HIPK4: variants seen among roughly 807,000 people sequenced by gnomAD.
HIPK4 encodes the protein homeodomain-interacting protein kinase 4.
A neutral mutation model predicts 44.8 loss-of-function variants in HIPK4; 26 were observed. The observed-to-expected ratio is 0.58, with a 90% CI of 0.43 to 0.80. HIPK4 has a LOEUF of 0.80. Among genes scored for constraint, HIPK4 ranks in the 30% least tolerant of loss-of-function variants. The pLI is 0.00. For synonymous variants in HIPK4, 340 were observed against 355.5 expected (o/e 0.96, Z 0.49); for missense variants, 729 against 862.6 (o/e 0.85, Z 1.94).
Position 40,380,281 on chromosome 19 carries a change from C to G in HIPK4, c.1668+42G>C. 6.3e-7 allele frequency: 1 copy of G among 1,590,290 alleles called. No individual in the cohort carries two copies. Among genetic ancestry groups the G allele is most frequent in the Non-Finnish European group, 8.6e-7 (1 of 1,165,124 alleles). On this transcript the variant is annotated intron_variant, in intron 3 of 3. Coordinates refer to ENST00000291823, the MANE Select transcript of HIPK4 (RefSeq NM_144685.5). This position sits in a 1 kb window ranked among gnomAD's most constrained non-coding sequence, Gnocchi z 4.2. ...TGAGCACGGGTGAGTGTGTGCTGAG[C>G]CTCCTCCCACCCTAATCGTATCCTG...
chr19:40,379,866 C>G (rs55943832), intron 3 of HIPK4, 97 bp from the exon 4 acceptor site: 2 of 1,303,276 alleles, frequency 1.5e-6, no homozygotes, highest in African/African-American at 1.5e-5. Context: ...TGAGCATGTG[C>G]TAGGGTCTTA....
rs71171564 is a variant in HIPK4 at position 40,383,081 on chromosome 19, C to CT, written c.822+701dup. Among the ~76,000 whole-genome samples, 672 of 78,616 alleles carry CT rather than the reference C, an allele frequency of 8.5e-3. 20 individuals carry two copies. Among genetic ancestry groups the CT allele is most frequent in the African/African-American group, 0.027 (569 of 20,898 alleles). 51.6% of individuals were successfully genotyped at this position (78,616 alleles called of 152,430 possible). A position where few individuals can be genotyped will look rare whatever the true frequency, so the allele number is the denominator to read the frequency against. ...AGAAAAAAATATTTTTCTTTTCTTT[C>CT]TTTTTTTTTTTTTTTTTTTGAGACG... On this transcript the variant is annotated intron_variant, in intron 2 of 3. Transcript: ENST00000291823.
intron 1 of HIPK4, among the ~76,000 whole-genome samples, chr19:40,386,177 C>G (rs943729866): frequency 6.6e-6 from 1 of 152,128 alleles, no homozygotes; most frequent in Non-Finnish European, 1.5e-5. Flanking sequence ...TCAAGTGATT[C>G]TCCTGCCTCA....
rs755903863 is a variant in HIPK4, at chr19:40,389,657, G to A, written c.246C>T (p.Ala82=). ...GCTCAAAGACCAGGTAGAACTTGAG[G>A]GCGTCATGGAAGAACTCAAGGAAGC... ...VIRFLEFFHD[A]LKFYLVFELL... Residue 82 remains alanine (A), a synonymous_variant, in exon 1 of 4, where the codon GCC becomes GCT. Coordinates refer to ENST00000291823, the MANE Select transcript of HIPK4 (RefSeq NM_144685.5). This position sits in a 1 kb window ranked among gnomAD's most constrained non-coding sequence, Gnocchi z 4.6. 6.2e-6 allele frequency: 10 copies of A among 1,614,060 alleles called. No homozygotes were observed. Among genetic ancestry groups the A allele is most frequent in the Non-Finnish European group, 7.6e-6 (9 of 1,180,022 alleles).
At position 40,389,705 on chromosome 19, in the gene HIPK4, G is replaced by A. The variant is rs143224664; in HGVS notation, c.198C>T (p.Asp66=). The A allele has an allele frequency of 1.3e-4, 207 of 1,614,228 alleles. 1 individual carries two copies. The African/African-American group carries it at 2.6e-3, about 20-fold the overall frequency. The part of the protein sequence containing the change: ...LKLLHCMRGL[D]PEEAHVIRFL... ...AGCGGATGACGTGGGCCTCTTCAGG[G>A]TCTAGGCCTCGCATGCAGTGCAGCA... The change falls in exon 1 of 4, where the codon GAC becomes GAT. Residue 66 remains aspartate (D), a synonymous_variant. Transcript: ENST00000291823. This position sits in a 1 kb window ranked among gnomAD's most constrained non-coding sequence, Gnocchi z 4.6.
Position 40,383,086 on chromosome 19 carries a change from T to C in HIPK4, c.822+697A>G, listed in dbSNP as rs1399532187. Among the ~76,000 whole-genome samples the C allele has an allele frequency of 4.5e-3, 630 of 140,654 alleles. 4 individuals are homozygous for C. Among genetic ancestry groups the C allele is most frequent in the African/African-American group, 0.015 (581 of 38,794 alleles). 92.3% of individuals were successfully genotyped at this position (140,654 alleles called of 152,430 possible). A position where few individuals can be genotyped will look rare whatever the true frequency, so the allele number is the denominator to read the frequency against. On this transcript the variant is annotated intron_variant, in intron 2 of 3. Transcript: ENST00000291823. ...AAAATATTTTTCTTTTCTTTCTTTT[T>C]TTTTTTTTTTTTTTGAGACGGAGTC...
At chr19:40,381,254 C>T (rs2079335552) in intron 2 of HIPK4, 86 bp from the exon 3 acceptor site, 1 of 1,098,862 alleles carries the variant, frequency 9.1e-7, no homozygotes, top group Non-Finnish European at 1.3e-6. Flanking sequence ...CCACATGTAG[C>T]CCCGACTTCC....
chr19:40,383,836 C>CT lies in HIPK4; in HGVS notation c.768_769insA (p.Ala257SerfsTer12), dbSNP rs2079349387. 1 of 1,613,912 alleles carries CT rather than the reference C, an allele frequency of 6.2e-7. No homozygotes were observed. The highest frequency in any genetic ancestry group is 1.7e-5 in the Admixed American group (1 of 59,984). ...GACTTGAGCTGCCAGGGGTTGGCAG[C>CT]GTCAGGGTGGGGGTTGCGCTTGAAG... is the stretch of plus-strand genomic sequence containing the variant. On this transcript the variant is annotated frameshift_variant, in exon 2 of 4. Transcript: ENST00000291823. LOFTEE classifies it high-confidence loss of function.
In HIPK4 at chr19:40,389,946, C is replaced by G. The variant is rs372068607; in HGVS notation, c.-44G>C. 4.0e-6 allele frequency: 6 copies of G among 1,511,952 alleles called. No homozygotes were observed. Among genetic ancestry groups the G allele is most frequent in the South Asian group, 1.2e-5 (1 of 86,008 alleles). The allele number at this position is 1,511,952 out of a possible 1,614,324, so 93.7% of individuals were successfully genotyped here. A position where few individuals can be genotyped will look rare whatever the true frequency, so the allele number is the denominator to read the frequency against. On this transcript the variant is annotated 5_prime_UTR_variant, in exon 1 of 4. Coordinates refer to ENST00000291823, the MANE Select transcript of HIPK4 (RefSeq NM_144685.5). The surrounding 1 kb of genome is among the most constrained non-coding windows in gnomAD (Gnocchi z 4.6). ...CACCGCCCTGCCCAGGCCCCTGTAC[C>G]ACTGGCTCTGCCGCCCAGGCCTCCC... is the stretch of plus-strand genomic sequence containing the variant.
At position 40,380,371 on chromosome 19, in the gene HIPK4, C is replaced by T. The variant is rs765475342; in HGVS notation, c.1620G>A (p.Gln540=). Residue 540 remains glutamine, a synonymous_variant, in exon 3 of 4, where the codon CAG becomes CAA. Transcript: ENST00000291823. The surrounding 1 kb of genome is among the most constrained non-coding windows in gnomAD (Gnocchi z 4.2). ...GASAEPLAIL[Q]RDEDGPNIDN... ...CAATGTTGGGCCCATCCTCATCTCG[C>T]TGCAGGATGGCCAGTGGCTCAGCAG... The T allele has an allele frequency of 6.2e-7, 1 of 1,614,244 alleles. No homozygotes were observed. Among genetic ancestry groups the T allele is most frequent in the Non-Finnish European group, 8.5e-7 (1 of 1,180,042 alleles).
intron 1 of HIPK4, among the ~76,000 whole-genome samples, chr19:40,388,904 CTGGGCGTGG>C (rs2079374864): frequency 3.3e-5 from 5 of 152,244 alleles, no homozygotes; most frequent in Admixed American, 2.6e-4. Context: ...CAAAAATTGG[CTGGGCGTGG>C]TGGCTCACGC....
At position 40,379,714 on chromosome 19, in the gene HIPK4, T is replaced by A; in HGVS notation, c.1724A>T (p.Glu575Val). The A allele has an allele frequency of 6.2e-7, 1 of 1,610,452 alleles. No homozygotes were observed. Reference protein sequence around the residue: ...PSSCPGEWLSEPDCTLESVRG... With the variant: ...PSSCPGEWLSVPDCTLESVRG... ...GACGCTCTCCAGGGTGCAGTCTGGCTCACTCAGCCATTCTCCAGGACAGCT... is the reference window on the plus strand; with the variant it reads ...GACGCTCTCCAGGGTGCAGTCTGGCACACTCAGCCATTCTCCAGGACAGCT... Residue 575 changes from glutamate to valine, a missense_variant, in exon 4 of 4, where the codon GAG becomes GTG. This residue lies in a region of HIPK4 where 533 missense variants were observed against 567.5 expected (regional missense o/e 0.94). Coordinates refer to ENST00000291823, the MANE Select transcript of HIPK4 (RefSeq NM_144685.5).
At chr19:40,386,958 G>C (rs573403333) in intron 1 of HIPK4, among the ~76,000 whole-genome samples, 1 of 151,980 alleles carries the variant, frequency 6.6e-6, no homozygotes, top group Admixed American at 6.6e-5. Flanking sequence ...ACGTTCAAGC[G>C]ATTCTCCTGC....
intron 1 of HIPK4, 115 bp from the exon 2 acceptor site, chr19:40,384,254 C>A: frequency 1.3e-6 from 1 of 762,018 alleles, no homozygotes. Context: ...TTGACTCTGG[C>A]CATCTCTGGG....
In HIPK4 at chr19:40,383,792, G is replaced by C. The variant is rs771130701; in HGVS notation, c.813C>G (p.Ala271=). ...CCAACTTTTCCCTTACCTTCGTCTC[G>C]GCCAGGTAGTCAGCCGAGGACTTGA... ...WQLKSSADYL[A]ETKVRPLERR... Residue 271 remains alanine (A), a synonymous_variant, in exon 2 of 4, where the codon GCC becomes GCG. Coordinates refer to ENST00000291823, the MANE Select transcript of HIPK4 (RefSeq NM_144685.5). 1.9e-6 allele frequency: 3 copies of C among 1,604,968 alleles called. No homozygotes were observed. Among genetic ancestry groups the C allele is most frequent in the Non-Finnish European group, 2.6e-6 (3 of 1,173,260 alleles).
In HIPK4 at chr19:40,379,330, C is replaced by G. The variant is rs2079316366; in HGVS notation, c.*257G>C. 6 of 497,932 alleles carry G rather than the reference C, an allele frequency of 1.2e-5. No homozygotes were observed. Among genetic ancestry groups the G allele is most frequent in the Non-Finnish European group, 2.1e-5 (6 of 285,148 alleles). The allele number at this position is 497,932 out of a possible 1,614,324, so 30.8% of individuals were successfully genotyped here. A position where few individuals can be genotyped will look rare whatever the true frequency, so the allele number is the denominator to read the frequency against. ...AGCAGGGCCAAGGGCGAGCGCAGGG[C>G]CAGCGGGGTGCAGCCCCCTTTCCTG... On this transcript the variant is annotated 3_prime_UTR_variant, in exon 4 of 4. Coordinates refer to ENST00000291823, the MANE Select transcript of HIPK4 (RefSeq NM_144685.5).
intron 1 of HIPK4, among the ~76,000 whole-genome samples, chr19:40,384,551 C>T (rs1013965140): frequency 4.0e-5 from 6 of 151,654 alleles, no homozygotes; most frequent in Admixed American, 2.0e-4. Context: ...GTGACCCACC[C>T]GCCTCGGCCT....
At chr19:40,379,931 G>A (rs2079322703) in intron 3 of HIPK4, among the ~76,000 whole-genome samples, 162 bp from the exon 4 acceptor site, 1 of 152,174 alleles carries the variant, frequency 6.6e-6, no homozygotes, top group South Asian at 2.1e-4. Flanking sequence ...GCTCACTGCA[G>A]CCTCGACCTC....
rs996806991 is a variant in HIPK4, at chr19:40,389,559, G to C, written c.344C>G (p.Thr115Arg). The change falls in exon 1 of 4, where the codon ACA becomes AGA. Residue 115 changes from threonine to arginine, a missense_variant. Thr to Arg is a moderately conservative substitution (Grantham distance 71). Around this residue, in one of 2 missense-constraint regions of HIPK4, gnomAD observed 196 missense variants for 295.1 expected, o/e 0.66. Coordinates refer to ENST00000291823, the MANE Select transcript of HIPK4 (RefSeq NM_144685.5). The surrounding 1 kb of genome is among the most constrained non-coding windows in gnomAD (Gnocchi z 4.6). Reference sequence around the variant, plus strand: ...GGCTGTGAGCACCTGCAGGGTGACTGTACGGATGTGGCGGGCGGGGAGGGG... The same window carrying C: ...GGCTGTGAGCACCTGCAGGGTGACTCTACGGATGTGGCGGGCGGGGAGGGG... ...FAPLPARHIRTVTLQVLTALA... is the reference protein window; with the variant it reads ...FAPLPARHIRRVTLQVLTALA... The C allele has an allele frequency of 6.2e-7, 1 of 1,613,920 alleles. No homozygotes were observed. Among genetic ancestry groups the C allele is most frequent in the Non-Finnish European group, 8.5e-7 (1 of 1,179,976 alleles).
Sources: gnomAD v4.1 joint callset for allele counts (sites outside exome capture counted in the v4.1 genomes callset) on GRCh38, gnomAD v4.1.1 for gene constraint, gnomAD v4.1.1 regional missense constraint, Gnocchi (gnomAD v3.1) non-coding constraint, MANE v1.5 for transcripts, NCBI Gene and HGNC (gene_info 2026-07-23, HGNC 2026-07-21) for gene names.